Variants in FBN2 observed in about 807,000 individuals in gnomAD.
FBN2 encodes fibrillin-2.
In FBN2, 105 loss-of-function variants were observed where a neutral mutation model predicts 355.6. The ratio of observed to expected loss-of-function variants is 0.30; its 90% CI spans 0.25 to 0.35. The LOEUF is 0.35. FBN2 is among the 10% of genes least tolerant of loss of function. FBN2 has a pLI of 1.00. For missense variants in FBN2, 3,280 were observed against 3,758.7 expected, an observed-to-expected ratio of 0.87 and a Z score of 3.33; for synonymous variants, 1,350 against 1,301.2, an observed-to-expected ratio of 1.04 and a Z score of -0.81.
intron 16 of FBN2, among the ~76,000 whole-genome samples, chr5:128,368,021 C>T (rs907381405): frequency 6.6e-6 from 1 of 152,008 alleles, no homozygotes; most frequent in Admixed American, 6.6e-5. Flanking sequence ...ATGGAAAGTT[C>T]TTACTCATTT....
intron 18 of FBN2, among the ~76,000 whole-genome samples, chr5:128,363,534 T>C (rs1751692472): frequency 6.6e-6 from 1 of 152,160 alleles, no homozygotes; most frequent in South Asian, 2.1e-4. Flanking sequence ...ATGGATTGAA[T>C]TGTGTCCCTT....
At chr5:128,313,543 A>G (rs985802745) in intron 36 of FBN2, among the ~76,000 whole-genome samples, 1 of 151,654 alleles carries the variant, frequency 6.6e-6, no homozygotes, top group Admixed American at 6.6e-5. Context: ...TTTTTTTTTC[A>G]GTTGCACAGG....
At chr5:128,279,207 T>A (rs776427221) in intron 56 of FBN2, among the ~76,000 whole-genome samples, 6 of 152,314 alleles carry the variant, frequency 3.9e-5, no homozygotes, top group South Asian at 2.1e-4. Flanking sequence ...GAAAGCAAAC[T>A]CTAGACTATA....
At chr5:128,482,070 T>G (rs992034702) in intron 5 of FBN2, among the ~76,000 whole-genome samples, 1 of 152,208 alleles carries the variant, frequency 6.6e-6, no homozygotes, top group Non-Finnish European at 1.5e-5. Flanking sequence ...GTTCTAACAT[T>G]GTTTTCAATA....
chr5:128,406,910 TAAA>T (rs977111464), intron 8 of FBN2, among the ~76,000 whole-genome samples: 15 of 152,206 alleles, frequency 9.9e-5, no homozygotes, highest in Admixed American at 2.0e-4. Flanking sequence ...ACAGTAACCC[TAAA>T]ATAGTTTATC....
intron 2 of FBN2, among the ~76,000 whole-genome samples, chr5:128,531,786 A>T (rs749215353): frequency 3.0e-4 from 46 of 151,432 alleles, no homozygotes; most frequent in Non-Finnish European, 5.9e-4. Context: ...AAGAACTTTC[A>T]CCAAACAGTA....
At chr5:128,372,581 T>G (rs574701200) in intron 15 of FBN2, among the ~76,000 whole-genome samples, 3 of 152,154 alleles carry the variant, frequency 2.0e-5, no homozygotes, top group Non-Finnish European at 4.4e-5. Context: ...AACCTCCACC[T>G]CCAGGGCTCA....
intron 45 of FBN2, among the ~76,000 whole-genome samples, chr5:128,304,572 C>G (rs532704648): frequency 2.0e-5 from 3 of 152,344 alleles, no homozygotes; most frequent in South Asian, 2.1e-4. Context: ...ACTCTTACTA[C>G]TCTCTTGCAT....
In FBN2 at chr5:128,499,194, T is replaced by C. The variant is rs1755738049; in HGVS notation, c.628+20079A>G. Among the ~76,000 whole-genome samples, 3 of 152,322 alleles carry C rather than the reference T, an allele frequency of 2.0e-5. No individual in the cohort carries two copies. The South Asian group carries it at 6.2e-4, about 32-fold the overall frequency. On this transcript the variant is annotated intron_variant, in intron 5 of 64. Coordinates refer to ENST00000262464, the MANE Select transcript of FBN2 (RefSeq NM_001999.4). ...AAAATCTATTCTGGTAACAGAATTT[T>C]AAGACATTATAAATCTTTCAAAATA...
At chr5:128,336,818 C>G (rs1442021980) in intron 27 of FBN2, among the ~76,000 whole-genome samples, 1 of 152,188 alleles carries the variant, frequency 6.6e-6, no homozygotes, top group African/African-American at 2.4e-5. Flanking sequence ...GGGTGATACA[C>G]TTCCTTATGT....
intron 20 of FBN2, among the ~76,000 whole-genome samples, chr5:128,355,002 A>T (rs989009626): frequency 1.3e-5 from 2 of 152,208 alleles, no homozygotes; most frequent in African/African-American, 2.4e-5. Flanking sequence ...AGAGAAACAG[A>T]GGTCCAAAGA....
intron 8 of FBN2, among the ~76,000 whole-genome samples, chr5:128,407,418 C>T (rs1459162229): frequency 6.6e-6 from 1 of 152,126 alleles, no homozygotes; most frequent in Non-Finnish European, 1.5e-5. Flanking sequence ...TTTTATTGGA[C>T]ACTTATTAGA....
intron 8 of FBN2, among the ~76,000 whole-genome samples, chr5:128,408,203 T>C (rs770657704): frequency 2.0e-5 from 3 of 152,170 alleles, no homozygotes; most frequent in African/African-American, 4.8e-5. Flanking sequence ...TGTAGCACTA[T>C]TGCATCTTTC....
intron 5 of FBN2, among the ~76,000 whole-genome samples, chr5:128,490,573 T>G (rs1227701264): frequency 4.6e-5 from 7 of 152,232 alleles, no homozygotes; most frequent in African/African-American, 1.2e-4. Flanking sequence ...CAAGTATATA[T>G]AGTAATGCAT....
chr5:128,369,300 G>T lies in FBN2; in HGVS notation c.2130C>A (p.Ile710=), dbSNP rs1038225967. 1 of 1,614,092 alleles carries T rather than the reference G, an allele frequency of 6.2e-7. No individual in the cohort carries two copies. The highest frequency in any genetic ancestry group is 8.5e-7 in the Non-Finnish European group (1 of 1,180,006). The change falls in exon 16 of 65, where the codon ATC becomes ATA. Residue 710 remains isoleucine, a synonymous_variant. Transcript: ENST00000262464. ...AAGGACGCACACACACTCCTTTCTTGATTCCTCCATAGCAGGTACTGCGCA... is the reference window on the plus strand; with the variant it reads ...AAGGACGCACACACACTCCTTTCTTTATTCCTCCATAGCAGGTACTGCGCA... The part of the protein sequence containing the change: ...THMRSTCYGG[I]KKGVCVRPFP...
intron 6 of FBN2, among the ~76,000 whole-genome samples, chr5:128,451,558 A>C (rs534355137): frequency 3.9e-5 from 6 of 151,998 alleles, no homozygotes; most frequent in African/African-American, 1.4e-4. Context: ...GAGACACCTC[A>C]TCCGGCTAAT....
intron 63 of FBN2, 34 bp downstream of exon 63, chr5:128,263,390 AT>A: frequency 6.7e-7 from 1 of 1,500,984 alleles, no homozygotes; most frequent in Non-Finnish European, 9.3e-7. Context: ...GGAACCATGT[AT>A]TCCTCTATGT....
chr5:128,410,540 T>G (rs1037126144), intron 7 of FBN2, among the ~76,000 whole-genome samples: 1 of 152,242 alleles, frequency 6.6e-6, no homozygotes, highest in African/African-American at 2.4e-5. Context: ...ATGCAAAATA[T>G]TAAACATTAA....
intron 19 of FBN2, among the ~76,000 whole-genome samples, chr5:128,358,136 C>T (rs986753712): frequency 2.0e-5 from 3 of 151,972 alleles, no homozygotes; most frequent in Non-Finnish European, 4.4e-5. Flanking sequence ...TGCCTATGTT[C>T]TCAAATGGTG....
Sources: gnomAD v4.1 joint callset for allele counts (sites outside exome capture counted in the v4.1 genomes callset) on GRCh38, gnomAD v4.1.1 for gene constraint, MANE v1.5 for transcripts, NCBI Gene and HGNC (gene_info 2026-07-23, HGNC 2026-07-21) for gene names.